The following PRR14L variants were observed in gnomAD, a reference collection of about 807,000 sequenced individuals.
PRR14L encodes the protein protein PRR14L.
A neutral mutation model predicts 155.0 loss-of-function variants in PRR14L; 80 were observed. The observed-to-expected ratio is 0.52, with a 90% CI of 0.43 to 0.62. The LOEUF (loss-of-function observed/expected upper bound fraction) is 0.62, where lower values mean the gene tolerates loss of function less well. PRR14L is among the 20% of genes least tolerant of loss of function. PRR14L has a pLI of 0.00. For synonymous variants in PRR14L, 883 were observed against 916.0 expected, an observed-to-expected ratio of 0.96 and a Z score of 0.65; for missense variants, 2,469 against 2,548.0, an observed-to-expected ratio of 0.97 and a Z score of 0.67.
At position 31,715,622 on chromosome 22, in the gene PRR14L, G is replaced by A; in HGVS notation, c.2217C>T (p.Ser739=). The A allele has an allele frequency of 5.2e-6, 8 of 1,552,026 alleles. 1 individual carries two copies. In the South Asian group the frequency reaches 9.5e-5, roughly 18 times the overall value. ...NCPTLNIKPV[S]LERKKEMADS... is the part of the protein sequence containing the mutation. The stretch of plus-strand genomic sequence containing the variant: ...CAGCCATTTCCTTTTTTCTCTCTAG[G>A]CTTACTGGTTTGATGTTTAAGGTGG... The change falls in exon 4 of 9, where the codon AGC becomes AGT. Residue 739 remains serine, a synonymous_variant. Transcript: ENST00000327423.
intron 4 of PRR14L, among the ~76,000 whole-genome samples, chr22:31,709,122 T>G (rs2074607154): frequency 6.6e-6 from 1 of 151,410 alleles, no homozygotes; most frequent in African/African-American, 2.4e-5. Context: ...TGTGCCCAGC[T>G]GACATGGGAT....
At chr22:31,693,506 G>C (rs1399023490) in intron 7 of PRR14L, among the ~76,000 whole-genome samples, 1 of 152,198 alleles carries the variant, frequency 6.6e-6, no homozygotes, top group Non-Finnish European at 1.5e-5. Context: ...CCAAGTTTTA[G>C]AAATTCTGAA....
rs2074643905 is a variant in PRR14L, at chr22:31,714,613, G to C, written c.3226C>G (p.Leu1076Val). The change falls in exon 4 of 9, where the codon CTA (leucine) becomes GTA (valine). Residue 1076 changes from leucine to valine, a missense_variant. Transcript: ENST00000327423. Reference sequence around the variant, plus strand: ...TCTTGCCTTGCACCACAATCCAGTAGATTAGATGCCTTCACGTCCAGCACA... The same window carrying C: ...TCTTGCCTTGCACCACAATCCAGTACATTAGATGCCTTCACGTCCAGCACA... Reference protein sequence around the residue: ...EGVLDVKASNLLDCGARQEKL... With the variant: ...EGVLDVKASNVLDCGARQEKL... 1 of 1,551,834 alleles carries C rather than the reference G, an allele frequency of 6.4e-7. No individual in the cohort carries two copies. The highest frequency in any genetic ancestry group is 1.4e-5 in the African/African-American group (1 of 73,036).
At chr22:31,721,343 G>A (rs934041018) in intron 3 of PRR14L, among the ~76,000 whole-genome samples, 2 of 152,198 alleles carry the variant, frequency 1.3e-5, no homozygotes, top group African/African-American at 4.8e-5. Flanking sequence ...CCTTTTAAAA[G>A]GTTCAATCTG....
At chr22:31,742,614 G>A (rs1001422529) in intron 1 of PRR14L, among the ~76,000 whole-genome samples, 23 of 152,012 alleles carry the variant, frequency 1.5e-4, no homozygotes, top group African/African-American at 4.8e-4. Flanking sequence ...TAATCCGCCC[G>A]CCTCGGCCTC....
chr22:31,718,600 A>C (rs2074673358), intron 3 of PRR14L, among the ~76,000 whole-genome samples: 1 of 147,636 alleles, frequency 6.8e-6, no homozygotes, highest in African/African-American at 2.7e-5. Context: ...GGGTTTCACC[A>C]TGTTGGCCAG....
chr22:31,745,029 A>G (rs2074830433), intron 1 of PRR14L, among the ~76,000 whole-genome samples: 2 of 152,314 alleles, frequency 1.3e-5, no homozygotes, highest in East Asian at 1.9e-4. Context: ...ATACGTTACC[A>G]AGAACAGCTG....
chr22:31,704,605 GCACACA>G, intron 5 of PRR14L, 44 bp downstream of exon 5: 3 of 1,469,410 alleles, frequency 2.0e-6, no homozygotes, highest in Non-Finnish European at 9.5e-7. Flanking sequence ...TCTCTCTCTT[GCACACA>G]CACACGCACA....
intron 2 of PRR14L, among the ~76,000 whole-genome samples, chr22:31,736,355 C>T (rs2074781550): frequency 1.3e-5 from 2 of 149,794 alleles, no homozygotes; most frequent in Admixed American, 6.7e-5. Flanking sequence ...CATTGCACTC[C>T]AGCCTGGGCA....
chr22:31,727,234 CTT>C (rs397831840), intron 2 of PRR14L, among the ~76,000 whole-genome samples: 38 of 136,594 alleles, frequency 2.8e-4, no homozygotes, highest in Admixed American at 3.0e-4. Context: ...AGCCACAATT[CTT>C]TTTTTTTTTT....
Position 31,713,718 on chromosome 22 carries a change from TGA to T in PRR14L, c.4119_4120del (p.Gln1374AspfsTer4). 2 of 1,552,392 alleles carry T rather than the reference TGA, an allele frequency of 1.3e-6. No individual in the cohort carries two copies. The highest frequency in any genetic ancestry group is 1.4e-5 in the African/African-American group (1 of 73,188). Reference sequence around the variant, plus strand: ...TATCCCCCGGCATTTAAAATGGGTCTGAGAGATGTTGCTCACGGGATCGCCAT... The same window carrying T: ...TATCCCCCGGCATTTAAAATGGGTCTGAGATGTTGCTCACGGGATCGCCAT... On this transcript the variant is annotated frameshift_variant, in exon 4 of 9. Transcript: ENST00000327423. LOFTEE classifies it high-confidence loss of function.
At chr22:31,690,576 C>G (rs1273495678) in intron 7 of PRR14L, among the ~76,000 whole-genome samples, 2 of 152,150 alleles carry the variant, frequency 1.3e-5, no homozygotes, top group Admixed American at 1.3e-4. Flanking sequence ...CCTCGACCTT[C>G]CTGGCTGAAG....
intron 3 of PRR14L, among the ~76,000 whole-genome samples, chr22:31,717,824 G>A (rs1368761844): frequency 1.3e-5 from 2 of 151,894 alleles, no homozygotes; most frequent in Admixed American, 6.6e-5. Flanking sequence ...ACAGTAGTGC[G>A]ATCTCAGTTC....
chr22:31,705,179 T>A (rs2074583563), intron 4 of PRR14L, among the ~76,000 whole-genome samples: 1 of 152,136 alleles, frequency 6.6e-6, no homozygotes, highest in South Asian at 2.1e-4. Flanking sequence ...GAAGACTGCT[T>A]GAGCCCGGAA....
At chr22:31,730,056 G>T (rs1445174882) in intron 2 of PRR14L, among the ~76,000 whole-genome samples, 1 of 151,064 alleles carries the variant, frequency 6.6e-6, no homozygotes, top group Non-Finnish European at 1.5e-5. Context: ...CTGAGGCAGA[G>T]AACTGCTTAA....
intron 3 of PRR14L, among the ~76,000 whole-genome samples, chr22:31,717,779 C>A (rs1355863522): frequency 6.6e-6 from 1 of 152,024 alleles, no homozygotes; most frequent in Non-Finnish European, 1.5e-5. Flanking sequence ...TTATTTTTTT[C>A]AGACAGAGTC....
chr22:31,701,375 G>C (rs2074562537), intron 7 of PRR14L, among the ~76,000 whole-genome samples: 1 of 152,180 alleles, frequency 6.6e-6, no homozygotes, highest in South Asian at 2.1e-4. Context: ...CTTGAGCTCT[G>C]GGGTTGGGTA....
At chr22:31,694,306 G>A (rs368935193) in intron 7 of PRR14L, among the ~76,000 whole-genome samples, 33 of 152,100 alleles carry the variant, frequency 2.2e-4, no homozygotes, top group African/African-American at 7.5e-4. Flanking sequence ...CTGACCTCAA[G>A]TGATCCACCC....
Position 31,717,151 on chromosome 22 carries a change from C to T in PRR14L, c.688G>A (p.Glu230Lys), listed in dbSNP as rs2147865678. Residue 230 changes from glutamate to lysine, a missense_variant, in exon 4 of 9, where the codon GAA becomes AAA. Coordinates refer to ENST00000327423, the MANE Select transcript of PRR14L (RefSeq NM_173566.3). ...VSKDLSAGCGEFQEVDKIMTS... is the reference protein window; with the variant it reads ...VSKDLSAGCGKFQEVDKIMTS... ...ATGATTTTGTCTACTTCTTGGAATT[C>T]ACCGCATCCAGCTGAGAGATCTTTA... 1 of 1,552,292 alleles carries T rather than the reference C, an allele frequency of 6.4e-7. No individual in the cohort carries two copies.
Sources: allele counts gnomAD v4.1 joint callset (sites outside exome capture counted in the v4.1 genomes callset), GRCh38; gene constraint gnomAD v4.1.1; transcripts MANE v1.5; gene names NCBI Gene and HGNC (gene_info 2026-07-23, HGNC 2026-07-21).